TOX4: variants seen among roughly 807,000 people sequenced by gnomAD.
TOX4 encodes TOX high mobility group box family member 4, also known as epidermal Langerhans cell protein LCP1.
A neutral mutation model predicts 61.0 loss-of-function variants in TOX4; 12 were observed. The ratio of observed to expected loss-of-function variants is 0.20; its 90% CI spans 0.13 to 0.32. TOX4 has a LOEUF of 0.32. Among genes scored for constraint, TOX4 ranks in the 10% least tolerant of loss-of-function variants. The pLI, the probability that TOX4 is intolerant of heterozygous loss-of-function variation, is 1.00. For missense variants in TOX4, 499 were observed against 753.3 expected (o/e 0.66, Z 3.95); for synonymous variants, 268 against 274.8 (o/e 0.98, Z 0.24).
chr14:21,498,938 G>A lies in TOX4; in HGVS notation c.*2332G>A. The A allele has an allele frequency of 1.1e-6, 1 of 903,128 alleles. No individual in the cohort carries two copies. Among genetic ancestry groups the A allele is most frequent in the Non-Finnish European group, 1.8e-6 (1 of 549,830 alleles). 55.9% of individuals were successfully genotyped at this position (903,128 alleles called of 1,614,324 possible). A position where few individuals can be genotyped will look rare whatever the true frequency, so the allele number is the denominator to read the frequency against. On this transcript the variant is annotated 3_prime_UTR_variant, in exon 9 of 9. Transcript: ENST00000448790. Reference sequence around the variant, plus strand: ...CTGTGAAGCTCATTTATGGACTAGTGTAAAACAATGTGAAGCTCTACTAAG... The same window carrying A: ...CTGTGAAGCTCATTTATGGACTAGTATAAAACAATGTGAAGCTCTACTAAG...
chr14:21,479,032 A>C (rs1891063430), intron 2 of TOX4, among the ~76,000 whole-genome samples: 1 of 135,230 alleles, frequency 7.4e-6, no homozygotes, highest in African/African-American at 2.8e-5. Context: ...CAGGCTCTTT[A>C]ACTCCTGGCC....
chr14:21,489,155 C>T lies in TOX4; in HGVS notation c.580-18C>T, dbSNP rs1566482921. On this transcript the variant is annotated intron_variant, in intron 4 of 8. Coordinates refer to ENST00000448790, the MANE Select transcript of TOX4 (RefSeq NM_014828.4). Reference sequence around the variant, plus strand: ...GTCATTGTCCATTGTGTAATTCTCTCTTTTTTCTCTCCTACAGCAACTTCC... The same window carrying T: ...GTCATTGTCCATTGTGTAATTCTCTTTTTTTTCTCTCCTACAGCAACTTCC... 1.9e-6 allele frequency: 3 copies of T among 1,608,436 alleles called. No homozygotes were observed. Among genetic ancestry groups the T allele is most frequent in the South Asian group, 1.1e-5 (1 of 90,108 alleles).
chr14:21,494,856 T>A (rs1594432984), intron 7 of TOX4, among the ~76,000 whole-genome samples: 2 of 150,980 alleles, frequency 1.3e-5, no homozygotes, highest in East Asian at 1.9e-4. Flanking sequence ...GAGGCAGAGG[T>A]TGCAGTGAGC....
chr14:21,498,092 C>G lies in TOX4; in HGVS notation c.*1486C>G. 1 of 590,956 alleles carries G rather than the reference C, an allele frequency of 1.7e-6. No individual in the cohort carries two copies. 36.6% of individuals were successfully genotyped at this position (590,956 alleles called of 1,614,324 possible). A position where few individuals can be genotyped will look rare whatever the true frequency, so the allele number is the denominator to read the frequency against. Reference sequence around the variant, plus strand: ...ATATAATACTGAGAGATGAGTTGCACAAGATTATACACTGTTAAGTAGCAG... The same window carrying G: ...ATATAATACTGAGAGATGAGTTGCAGAAGATTATACACTGTTAAGTAGCAG... On this transcript the variant is annotated 3_prime_UTR_variant, in exon 9 of 9. Transcript: ENST00000448790.
At position 21,493,032 on chromosome 14, in the gene TOX4, G is replaced by C; in HGVS notation, c.1416G>C (p.Met472Ile). 2.5e-6 allele frequency: 4 copies of C among 1,613,872 alleles called. No individual in the cohort carries two copies. The highest frequency in any genetic ancestry group is 3.4e-6 in the Non-Finnish European group (4 of 1,179,900). The change falls in exon 7 of 9, where the codon ATG (methionine) becomes ATC (isoleucine). Residue 472 changes from methionine (M) to isoleucine (I), a missense_variant. Met to Ile is a conservative substitution (Grantham distance 10). Coordinates refer to ENST00000448790, the MANE Select transcript of TOX4 (RefSeq NM_014828.4). ...AGCAGCCTCCTCCACTCCAGGCCAT[G>C]CAACAGCCTCCACCTCAGAAAGTTC... ...ILQQPPPLQA[M>I]QQPPPQKVRI...
At chr14:21,477,686 T>C in intron 2 of TOX4, 122 bp downstream of exon 2, 1 of 1,095,284 alleles carries the variant, frequency 9.1e-7, no homozygotes, top group East Asian at 2.4e-5. Context: ...AATTGGTGTT[T>C]AGAGAAAAGT....
chr14:21,496,138 G>A, intron 8 of TOX4: 1 of 154,738 alleles, frequency 6.5e-6, no homozygotes, highest in East Asian at 1.9e-4. Context: ...TTGAACCTGG[G>A]AGGTGGAGGT....
intron 5 of TOX4, 49 bp downstream of exon 5, chr14:21,489,452 A>C (rs1445524101): frequency 1.3e-6 from 2 of 1,524,844 alleles, no homozygotes; most frequent in East Asian, 4.5e-5. Flanking sequence ...AAGTTTTTAA[A>C]GAGATAAAAA....
At chr14:21,482,857 C>T (rs1300981720) in intron 2 of TOX4, among the ~76,000 whole-genome samples, 2 of 150,560 alleles carry the variant, frequency 1.3e-5, no homozygotes, top group African/African-American at 4.9e-5. Context: ...TTACCCTATC[C>T]TTTTTTTTTA....
intron 2 of TOX4, 123 bp from the exon 3 acceptor site, chr14:21,487,328 A>G: frequency 7.5e-7 from 1 of 1,328,036 alleles, no homozygotes; most frequent in Non-Finnish European, 1.0e-6. Flanking sequence ...TTGATTATAA[A>G]ATAGGATCCT....
intron 5 of TOX4, among the ~76,000 whole-genome samples, chr14:21,490,026 T>G (rs1242519162): frequency 6.6e-6 from 1 of 151,456 alleles, no homozygotes; most frequent in Non-Finnish European, 1.5e-5. Context: ...CACAGAAAAT[T>G]AGCTGGGTGT....
At position 21,492,268 on chromosome 14, in the gene TOX4, T is replaced by C. The variant is rs541426079; in HGVS notation, c.811-28T>C. The C allele has an allele frequency of 7.0e-4, 1,112 of 1,583,102 alleles. 7 individuals carry two copies. The African/African-American group carries it at 0.014, about 20-fold the overall frequency. On this transcript the variant is annotated intron_variant, in intron 5 of 8. Coordinates refer to ENST00000448790, the MANE Select transcript of TOX4 (RefSeq NM_014828.4). ...TTCCTAAGAGTATGGGGAGTTTTGT[T>C]TTTTTTTTTAAAGTCTCTTTTTTGC...
At position 21,493,894 on chromosome 14, in the gene TOX4, C is replaced by T. The variant is rs536744178; in HGVS notation, c.1641+637C>T. Reference sequence around the variant, plus strand: ...CCTCCCGAGTAGCTGGGATTACAGGCGCCCACCACTACACCCAGCTAATTT... The same window carrying T: ...CCTCCCGAGTAGCTGGGATTACAGGTGCCCACCACTACACCCAGCTAATTT... On this transcript the variant is annotated intron_variant, in intron 7 of 8. Coordinates refer to ENST00000448790, the MANE Select transcript of TOX4 (RefSeq NM_014828.4). 1.1e-3 allele frequency among the ~76,000 whole-genome samples: 161 copies of T among 152,264 alleles called. 1 individual carries two copies. The highest frequency in any genetic ancestry group is 1.3e-4 in the Non-Finnish European group (9 of 68,016).
chr14:21,478,189 C>T (rs181161034), intron 2 of TOX4, among the ~76,000 whole-genome samples: 3 of 152,360 alleles, frequency 2.0e-5, no homozygotes, highest in African/African-American at 7.2e-5. Flanking sequence ...CCACCCACCT[C>T]GGCCTCCCGG....
In TOX4 at chr14:21,493,066, T is replaced by A. The variant is rs895328481; in HGVS notation, c.1450T>A (p.Leu484Ile). The change falls in exon 7 of 9, where the codon TTA (leucine) becomes ATA (isoleucine). Residue 484 changes from leucine (L) to isoleucine (I), a missense_variant. Coordinates refer to ENST00000448790, the MANE Select transcript of TOX4 (RefSeq NM_014828.4). ...QPPPQKVRIN[L>I]QQQPPPLQIK... Reference sequence around the variant, plus strand: ...TCCACCTCAGAAAGTTCGAATCAATTTACAGCAACAGCCTCCTCCTCTGCA... The same window carrying A: ...TCCACCTCAGAAAGTTCGAATCAATATACAGCAACAGCCTCCTCCTCTGCA... 2.5e-6 allele frequency: 4 copies of A among 1,613,962 alleles called. No individual in the cohort carries two copies. In the East Asian group the frequency reaches 8.9e-5, roughly 36 times the overall value.
chr14:21,495,453 G>C, intron 8 of TOX4, 61 bp downstream of exon 8: 1 of 1,547,566 alleles, frequency 6.5e-7, no homozygotes, highest in Non-Finnish European at 8.8e-7. Context: ...GGGAAACATA[G>C]GAATCTTGAG....
Position 21,477,214 on chromosome 14 carries a change from T to C in TOX4, c.-65T>C. Reference sequence around the variant, plus strand: ...CACGTCCTTGCGGAAGTGACGGCAGTTCCGAGTCCAGTGGGGGCGGTGGGA... The same window carrying C: ...CACGTCCTTGCGGAAGTGACGGCAGCTCCGAGTCCAGTGGGGGCGGTGGGA... On this transcript the variant is annotated 5_prime_UTR_variant, in exon 1 of 9. Coordinates refer to ENST00000448790, the MANE Select transcript of TOX4 (RefSeq NM_014828.4). 1.2e-6 allele frequency: 2 copies of C among 1,613,928 alleles called. No individual in the cohort carries two copies. The highest frequency in any genetic ancestry group is 2.2e-5 in the South Asian group (2 of 91,074).
rs566951265 is a variant in TOX4 at position 21,488,458 on chromosome 14, G to T, written c.319-132G>T. The T allele has an allele frequency of 1.2e-4, 97 of 834,036 alleles. No individual in the cohort carries two copies. The South Asian group carries it at 2.2e-3, about 19-fold the overall frequency. 51.7% of individuals were successfully genotyped at this position (834,036 alleles called of 1,614,324 possible). A position where few individuals can be genotyped will look rare whatever the true frequency, so the allele number is the denominator to read the frequency against. ...TTATTTTTTTATTTTCATTTTTGAA[G>T]ACTATTTTATGTTTTGTATTTTAAA... On this transcript the variant is annotated intron_variant, in intron 3 of 8. Coordinates refer to ENST00000448790, the MANE Select transcript of TOX4 (RefSeq NM_014828.4).
chr14:21,480,940 A>G (rs999999067), intron 2 of TOX4, among the ~76,000 whole-genome samples: 3 of 151,990 alleles, frequency 2.0e-5, no homozygotes, highest in African/African-American at 7.3e-5. Context: ...AAAATACAAA[A>G]TTAGCCGGGT....
Sources: gnomAD v4.1 joint callset for allele counts (sites outside exome capture counted in the v4.1 genomes callset) on GRCh38, gnomAD v4.1.1 for gene constraint, MANE v1.5 for transcripts, NCBI Gene and HGNC (gene_info 2026-07-23, HGNC 2026-07-21) for gene names.